ZNF721: variants seen among roughly 807,000 people sequenced by gnomAD.
The protein encoded by ZNF721 is zinc finger protein 721.
ZNF721 carries 2 observed loss-of-function variants against 2.4 expected under a neutral mutation model. The ratio of observed to expected loss-of-function variants is 0.82; its 90% CI spans 0.34 to 2.58. ZNF721 has a LOEUF of 2.58. ZNF721 is among the 30% of genes most tolerant of loss of function. The probability of loss-of-function intolerance (pLI) is 0.11; values close to 1 mark genes in which losing one functional copy is unlikely to be tolerated. For synonymous variants in ZNF721, 398 were observed against 381.8 expected, an observed-to-expected ratio of 1.04 and a Z score of -0.50; for missense variants, 1,187 against 1,085.5, an observed-to-expected ratio of 1.09 and a Z score of -1.31.
chr4:479,442 G>A (rs2108717327), intron 1 of ZNF721, among the ~76,000 whole-genome samples: 1 of 152,316 alleles, frequency 6.6e-6, no homozygotes, highest in South Asian at 2.1e-4. Flanking sequence ...GATCCCTAGA[G>A]GCACAGAAAC....
chr4:476,141 A>C (rs1354532554), intron 1 of ZNF721, among the ~76,000 whole-genome samples: 1 of 152,120 alleles, frequency 6.6e-6, no homozygotes, highest in Non-Finnish European at 1.5e-5. Context: ...AGTCAATCCA[A>C]CTCATGGTAT....
At chr4:446,812 CCTCCCAA>C (rs1553864238) in intron 2 of ZNF721, among the ~76,000 whole-genome samples, 1 of 152,088 alleles carries the variant, frequency 6.6e-6, no homozygotes, top group Admixed American at 6.5e-5. Context: ...CCTGCCTCAG[CCTCCCAA>C]GTAGCTGGGA....
intron 1 of ZNF721, among the ~76,000 whole-genome samples, chr4:479,029 A>G (rs1553869022): frequency 6.6e-6 from 1 of 152,100 alleles, no homozygotes; most frequent in Non-Finnish European, 1.5e-5. Context: ...GGCCTCTCAA[A>G]GTGCTGGGAT....
chr4:469,644 TA>T (rs1341249628), intron 2 of ZNF721, among the ~76,000 whole-genome samples: 2 of 152,166 alleles, frequency 1.3e-5, no homozygotes, highest in African/African-American at 4.8e-5. Flanking sequence ...AGAACAAAGC[TA>T]GGGGCATCAT....
intron 1 of ZNF721, among the ~76,000 whole-genome samples, chr4:490,992 T>C (rs61793733): frequency 0.15 from 22,815 of 151,548 alleles, 2,149 homozygotes; most frequent in Middle Eastern, 0.23. Context: ...GTTTGTTACA[T>C]CCACCCACCA....
At chr4:456,826 C>A (rs1264474966) in intron 2 of ZNF721, among the ~76,000 whole-genome samples, 12 of 152,244 alleles carry the variant, frequency 7.9e-5, no homozygotes, top group African/African-American at 2.4e-4. Context: ...TTGCAGTGAG[C>A]CGAGACTGTG....
chr4:451,726 C>A (rs548080164), intron 2 of ZNF721, among the ~76,000 whole-genome samples: 128 of 152,334 alleles, frequency 8.4e-4, no homozygotes, highest in Admixed American at 1.8e-3. Flanking sequence ...TCTCCCCTAA[C>A]GCATTTCCTG....
At chr4:477,811 A>G (rs558638724) in intron 1 of ZNF721, among the ~76,000 whole-genome samples, 3 of 152,302 alleles carry the variant, frequency 2.0e-5, no homozygotes, top group Non-Finnish European at 4.4e-5. Flanking sequence ...GGGCACAATA[A>G]ATATGGATTT....
At chr4:496,602 G>A (rs1284477488) in intron 1 of ZNF721, among the ~76,000 whole-genome samples, 2 of 150,728 alleles carry the variant, frequency 1.3e-5, no homozygotes, top group Admixed American at 6.6e-5. Flanking sequence ...GGTCAAATCC[G>A]ATAAGGGAAA....
intron 2 of ZNF721, among the ~76,000 whole-genome samples, chr4:445,881 A>G (rs1477824546): frequency 6.6e-6 from 1 of 152,242 alleles, no homozygotes; most frequent in Admixed American, 6.5e-5. Context: ...TGTGTCATTT[A>G]TAAGTGTGGT....
intron 2 of ZNF721, among the ~76,000 whole-genome samples, chr4:459,855 C>T (rs1447359588): frequency 6.6e-6 from 1 of 151,426 alleles, no homozygotes; most frequent in Non-Finnish European, 1.5e-5. Flanking sequence ...GGGGAGGGGG[C>T]ATTACCTAAT....
At chr4:480,762 A>G (rs1274644166) in intron 1 of ZNF721, among the ~76,000 whole-genome samples, 4 of 140,612 alleles carry the variant, frequency 2.8e-5, no homozygotes, top group Non-Finnish European at 6.1e-5. Context: ...CTGCATGCAT[A>G]TGCCACATCT....
At chr4:463,283 T>C (rs7698282) in intron 2 of ZNF721, among the ~76,000 whole-genome samples, 1,530 of 152,194 alleles carry the variant, frequency 0.01, 22 homozygotes, top group African/African-American at 0.035. Flanking sequence ...TGTGGAGAAA[T>C]AGGAATGCTT....
In ZNF721 at chr4:449,091, G is replaced by A. The variant is rs111308410; in HGVS notation, c.35-4659C>T. Among the ~76,000 whole-genome samples the A allele has an allele frequency of 1.4e-3, 209 of 152,222 alleles. 3 individuals carry two copies. The highest frequency in any genetic ancestry group is 4.7e-3 in the African/African-American group (197 of 41,558). The stretch of plus-strand genomic sequence containing the variant: ...GGCCAGAAAATAGAAAAAGTAGGTA[G>A]TTGTTTAATGTGTACTGAGTGTTAG... On this transcript the variant is annotated intron_variant, in intron 2 of 2. Transcript: ENST00000511833.
At chr4:465,395 A>G (rs375212583) in intron 2 of ZNF721, among the ~76,000 whole-genome samples, 10 of 152,152 alleles carry the variant, frequency 6.6e-5, no homozygotes, top group African/African-American at 2.4e-4. Context: ...TGAATAAAAA[A>G]GAAGTTAGAT....
chr4:482,644 C>T (rs1416793536), intron 1 of ZNF721, among the ~76,000 whole-genome samples: 1 of 151,672 alleles, frequency 6.6e-6, no homozygotes, highest in African/African-American at 2.4e-5. Flanking sequence ...CTACAAGCGC[C>T]CGCCACCATG....
chr4:486,564 C>T (rs7684348), intron 1 of ZNF721, among the ~76,000 whole-genome samples: 27,522 of 152,048 alleles, frequency 0.18, 3,113 homozygotes, highest in Middle Eastern at 0.26. Flanking sequence ...CTCTGCTGGT[C>T]GGCTAAATTG....
chr4:498,241 G>A (rs1371900738), intron 1 of ZNF721, among the ~76,000 whole-genome samples: 50 of 113,772 alleles, frequency 4.4e-4, no homozygotes, highest in Non-Finnish European at 5.1e-4. Flanking sequence ...AAAAAAAAAA[G>A]AAGGACATTG....
intron 2 of ZNF721, among the ~76,000 whole-genome samples, chr4:447,852 G>A (rs536434424): frequency 3.9e-5 from 6 of 152,138 alleles, no homozygotes; most frequent in African/African-American, 1.2e-4. Flanking sequence ...AACGACAAAT[G>A]TGTGTATACA....
Sources: allele counts gnomAD v4.1 joint callset (sites outside exome capture counted in the v4.1 genomes callset), GRCh38; gene constraint gnomAD v4.1.1; transcripts MANE v1.5; gene names NCBI Gene and HGNC (gene_info 2026-07-23, HGNC 2026-07-21).